Variants in KCNJ1 observed in about 807,000 individuals in gnomAD.
The protein encoded by KCNJ1 is potassium inwardly rectifying channel subfamily J member 1.
In KCNJ1, 24 loss-of-function variants were observed where a neutral mutation model predicts 21.9. The observed-to-expected ratio is 1.10, with a 90% confidence interval of 0.79 to 1.54. KCNJ1 has a LOEUF of 1.54. Among genes scored for constraint, KCNJ1 ranks in the 40% most tolerant of loss-of-function variants. KCNJ1 has a pLI of 0.00. For missense variants in KCNJ1, 457 were observed against 455.4 expected, an observed-to-expected ratio of 1.00 and a Z score of -0.03; for synonymous variants, 152 against 160.9, an observed-to-expected ratio of 0.94 and a Z score of 0.42.
At chr11:128,866,742 C>T (rs1943822464) in intron 1 of KCNJ1, 1 of 152,996 alleles carries the variant, frequency 6.5e-6, no homozygotes, top group African/African-American at 2.4e-5. Context: ...ATATGTTTTC[C>T]ATAATAGACC....
chr11:128,839,974 G>A lies in KCNJ1; in HGVS notation c.270C>T (p.Leu90=), dbSNP rs775785177. The A allele has an allele frequency of 7.4e-6, 12 of 1,614,012 alleles. No individual in the cohort carries two copies. The highest frequency in any genetic ancestry group is 1.0e-5 in the Non-Finnish European group (12 of 1,180,040). The change falls in exon 3 of 3, where the codon CTC becomes CTT. Residue 90 remains leucine (L), a synonymous_variant. Transcript: ENST00000392666. ...GATTGGCAGAAGGATGGAATTCCGG[G>A]AGGTCTTTGTGAATGTACGCTACTG... ...WYAVAYIHKD[L]PEFHPSANHT...
chr11:128,848,542 A>G (rs1943423918), intron 2 of KCNJ1, among the ~76,000 whole-genome samples: 1 of 152,130 alleles, frequency 6.6e-6, no homozygotes, highest in African/African-American at 2.4e-5. Flanking sequence ...GTTTCTTAAG[A>G]TATTTCAGAA....
chr11:128,840,125 T>C lies in KCNJ1; in HGVS notation c.119A>G (p.Gln40Arg). The change falls in exon 3 of 3, where the codon CAG (glutamine) becomes CGG (arginine). Residue 40 changes from glutamine to arginine, a missense_variant. Transcript: ENST00000392666. ...GTCCACAAAGAATATAAACCTTGAC[T>C]GTGCCTCCACATTGCCAAATTCTAT... Reference protein sequence around the residue: ...CNIEFGNVEAQSRFIFFVDIW... With the variant: ...CNIEFGNVEARSRFIFFVDIW... 1 of 1,614,224 alleles carries C rather than the reference T, an allele frequency of 6.2e-7. No homozygotes were observed. Among genetic ancestry groups the C allele is most frequent in the Admixed American group, 1.7e-5 (1 of 60,026 alleles).
rs111838106 is a variant in KCNJ1 at position 128,854,688 on chromosome 11, GT to G, written c.-191-3799del. On this transcript the variant is annotated intron_variant, in intron 1 of 2. Coordinates refer to ENST00000392666, the MANE Select transcript of KCNJ1 (RefSeq NM_153766.3). The stretch of plus-strand genomic sequence containing the variant: ...CCCTTTCTCAAAGGCAGGGCTGGAT[GT>G]TCCTTGCGTACTTCCTGAATAAGGG... Among the ~76,000 whole-genome samples the G allele has an allele frequency of 9.3e-3, 1,409 of 152,264 alleles. 24 individuals carry two copies. The highest frequency in any genetic ancestry group is 0.028 in the African/African-American group (1,147 of 41,528).
intron 2 of KCNJ1, among the ~76,000 whole-genome samples, chr11:128,848,120 C>T (rs936435061): frequency 7.2e-5 from 11 of 151,930 alleles, no homozygotes; most frequent in Admixed American, 1.3e-4. Context: ...AACTCCGTCT[C>T]TACTAAAAAT....
chr11:128,859,943 G>A (rs1565530309), intron 1 of KCNJ1, among the ~76,000 whole-genome samples: 1 of 152,256 alleles, frequency 6.6e-6, no homozygotes, highest in Non-Finnish European at 1.5e-5. Context: ...CAGACGGCGG[G>A]CAGCAAAGCG....
intron 1 of KCNJ1, among the ~76,000 whole-genome samples, chr11:128,855,754 G>A (rs1205753572): frequency 6.6e-6 from 1 of 152,214 alleles, no homozygotes; most frequent in Non-Finnish European, 1.5e-5. Context: ...GATCTGGTAT[G>A]GGGAAAGCCA....
intron 1 of KCNJ1, among the ~76,000 whole-genome samples, chr11:128,863,946 C>A (rs1943764297): frequency 6.6e-6 from 1 of 152,072 alleles, no homozygotes. Context: ...ACATCCTTCA[C>A]AATCTTCTGC....
chr11:128,838,996 G>A lies in KCNJ1; in HGVS notation c.*129C>T. ...GGGATCACAATTGCGGGGCTCAGGG[G>A]TCTTTGTGCTGGTAGACTTTGAAGG... is the stretch of plus-strand genomic sequence containing the variant. On this transcript the variant is annotated 3_prime_UTR_variant, in exon 3 of 3. Transcript: ENST00000392666. 1 of 786,416 alleles carries A rather than the reference G, an allele frequency of 1.3e-6. No individual in the cohort carries two copies. The highest frequency in any genetic ancestry group is 1.5e-5 in the South Asian group (1 of 66,178). The allele number at this position is 786,416 out of a possible 1,614,324, so 48.7% of individuals were successfully genotyped here. A position where few individuals can be genotyped will look rare whatever the true frequency, so the allele number is the denominator to read the frequency against.
At chr11:128,857,175 G>A (rs1048232696) in intron 1 of KCNJ1, among the ~76,000 whole-genome samples, 3 of 152,142 alleles carry the variant, frequency 2.0e-5, no homozygotes, top group South Asian at 2.1e-4. Context: ...TCCGCTCTAG[G>A]CCTTCCCATG....
chr11:128,859,116 C>T (rs937795051), intron 1 of KCNJ1, among the ~76,000 whole-genome samples: 2 of 152,208 alleles, frequency 1.3e-5, no homozygotes, highest in Admixed American at 1.3e-4. Context: ...ATACCAGCAA[C>T]TGTGGTAGGG....
At position 128,839,028 on chromosome 11, in the gene KCNJ1, TC is replaced by T. The variant is rs142894410; in HGVS notation, c.*96del. 1.3e-3 allele frequency: 1,431 copies of T among 1,101,120 alleles called. 10 individuals are homozygous for T. The African/African-American group carries it at 0.018, about 14-fold the overall frequency. 68.2% of individuals were successfully genotyped at this position (1,101,120 alleles called of 1,614,324 possible). ...TGCTGGTAGACTTTGAAGGCTCTCA[TC>T]CTACTTTCGTACCCCTAAATTGTTG... is the stretch of plus-strand genomic sequence containing the variant. On this transcript the variant is annotated 3_prime_UTR_variant, in exon 3 of 3. Coordinates refer to ENST00000392666, the MANE Select transcript of KCNJ1 (RefSeq NM_153766.3).
Position 128,840,064 on chromosome 11 carries a change from G to C in KCNJ1, c.180C>G (p.Tyr60Ter), listed in dbSNP as rs104894244. ...WTTVLDLKWRYKMTIFITAFL... is the reference protein window; with the variant it reads ...WTTVLDLKWR The stretch of plus-strand genomic sequence containing the variant: ...AGGCTGTGATGAAAATGGTCATTTT[G>C]TATCTCCACTTGAGGTCAAGTACCG... The change falls in exon 3 of 3, where the codon TAC becomes TAG. Residue 60 changes from tyrosine to a stop codon, truncating the protein, a stop_gained. Coordinates refer to ENST00000392666, the MANE Select transcript of KCNJ1 (RefSeq NM_153766.3). LOFTEE classifies it high-confidence loss of function. The C allele has an allele frequency of 6.2e-7, 1 of 1,614,140 alleles. No homozygotes were observed. Among genetic ancestry groups the C allele is most frequent in the Non-Finnish European group, 8.5e-7 (1 of 1,179,992 alleles).
intron 1 of KCNJ1, among the ~76,000 whole-genome samples, chr11:128,859,771 A>C (rs1386050609): frequency 6.6e-6 from 1 of 152,194 alleles, no homozygotes. Flanking sequence ...TGTGCTGGGC[A>C]CTGGGGTACG....
At chr11:128,859,795 C>G (rs539781779) in intron 1 of KCNJ1, among the ~76,000 whole-genome samples, 1 of 152,260 alleles carries the variant, frequency 6.6e-6, no homozygotes, top group East Asian at 1.9e-4. Context: ...TTCTCAAGAC[C>G]CAGGGAAGTG....
Position 128,842,522 on chromosome 11 carries a change from C to T in KCNJ1, c.-21-2258G>A, listed in dbSNP as rs886047986. 4.6e-5 allele frequency: 73 copies of T among 1,589,710 alleles called. No homozygotes were observed. Among genetic ancestry groups the T allele is most frequent in the East Asian group, 4.1e-4 (18 of 44,398 alleles). ...TTGTAGGCGACAGTCAGTGGACTGA[C>T]GCTAATTTGTGTAAACTTGGAAACA... On this transcript the variant is annotated intron_variant, in intron 2 of 2. Coordinates refer to ENST00000392666, the MANE Select transcript of KCNJ1 (RefSeq NM_153766.3).
chr11:128,846,144 G>A (rs1224335503), intron 2 of KCNJ1, among the ~76,000 whole-genome samples: 7 of 152,090 alleles, frequency 4.6e-5, no homozygotes, highest in African/African-American at 1.7e-4. Context: ...CAGAGTCGAC[G>A]GGCTTCTAGC....
intron 1 of KCNJ1, among the ~76,000 whole-genome samples, chr11:128,859,455 C>G (rs1943657507): frequency 6.6e-6 from 1 of 152,162 alleles, no homozygotes; most frequent in African/African-American, 2.4e-5. Flanking sequence ...CACTAGGTTA[C>G]CCAGGCTGGC....
At chr11:128,866,528 C>G (rs1419434043) in intron 1 of KCNJ1, 4 of 975,848 alleles carry the variant, frequency 4.1e-6, no homozygotes, top group Non-Finnish European at 4.9e-6. Context: ...CATACCTGTT[C>G]AGAGCAGAGA....
Sources: allele counts gnomAD v4.1 joint callset (sites outside exome capture counted in the v4.1 genomes callset), GRCh38; gene constraint gnomAD v4.1.1; transcripts MANE v1.5; gene names NCBI Gene and HGNC (gene_info 2026-07-23, HGNC 2026-07-21).